The following CFAP299 variants were observed in gnomAD, a reference collection of about 807,000 sequenced individuals.
CFAP299 encodes the protein cilia and flagella associated protein 299.
CFAP299 carries 21 observed loss-of-function variants against 27.0 expected under a neutral mutation model. That is an observed-to-expected ratio of 0.78 (90% CI 0.55 to 1.12). The LOEUF (loss-of-function observed/expected upper bound fraction) is 1.12. CFAP299 is among the 50% of genes most tolerant of loss of function. The probability of loss-of-function intolerance (pLI) is 0.00; values close to 1 mark genes in which losing one functional copy is unlikely to be tolerated. For missense variants in CFAP299, 310 were observed against 276.6 expected, an observed-to-expected ratio of 1.12 and a Z score of -0.86; for synonymous variants, 104 against 98.1, an observed-to-expected ratio of 1.06 and a Z score of -0.36.
At chr4:80,612,821 C>G (rs549837856) in intron 3 of CFAP299, among the ~76,000 whole-genome samples, 1 of 152,118 alleles carries the variant, frequency 6.6e-6, no homozygotes, top group East Asian at 1.9e-4. Flanking sequence ...AGTTCAAACC[C>G]TAATATTGTG....
At chr4:80,770,640 C>T (rs1207494985) in intron 3 of CFAP299, among the ~76,000 whole-genome samples, 1 of 152,188 alleles carries the variant, frequency 6.6e-6, no homozygotes, top group Non-Finnish European at 1.5e-5. Context: ...AATGTGTATA[C>T]ATATTTCAAT....
At chr4:80,409,037 C>CAA (rs777242776) in intron 2 of CFAP299, among the ~76,000 whole-genome samples, 15 of 67,446 alleles carry the variant, frequency 2.2e-4, no homozygotes, top group East Asian at 1.3e-3. Flanking sequence ...GAGACTCTTT[C>CAA]AAAAAAAAAA....
chr4:80,906,795 G>A (rs954871335), intron 4 of CFAP299, among the ~76,000 whole-genome samples: 6 of 152,252 alleles, frequency 3.9e-5, no homozygotes, highest in African/African-American at 9.6e-5. Flanking sequence ...TAGAACAGGG[G>A]ACCCTGGGCC....
At chr4:80,460,769 G>C (rs1004283489) in intron 2 of CFAP299, among the ~76,000 whole-genome samples, 2 of 152,148 alleles carry the variant, frequency 1.3e-5, no homozygotes, top group South Asian at 4.2e-4. Context: ...AAATTCACAC[G>C]ATTATGTGGA....
upstream of CFAP299, among the ~76,000 whole-genome samples, chr4:80,331,827 A>T (rs372875551): frequency 6.6e-6 from 1 of 152,220 alleles, no homozygotes. Context: ...AACCATATGC[A>T]TGTAAGGCAG....
intron 1 of CFAP299, among the ~76,000 whole-genome samples, chr4:80,344,178 C>A (rs752494243): frequency 1.3e-4 from 20 of 151,522 alleles, no homozygotes; most frequent in Admixed American, 2.0e-4. Context: ...GAAACATGAA[C>A]AACTCTTCAA....
chr4:80,925,546 T>C (rs1288558594), intron 4 of CFAP299, among the ~76,000 whole-genome samples: 1 of 151,930 alleles, frequency 6.6e-6, no homozygotes, highest in Non-Finnish European at 1.5e-5. Context: ...TAATATTTCC[T>C]CTTAAAAGTG....
intron 3 of CFAP299, among the ~76,000 whole-genome samples, 186 bp from the exon 4 acceptor site, chr4:80,869,807 G>T (rs1484405803): frequency 6.6e-6 from 1 of 152,124 alleles, no homozygotes; most frequent in Non-Finnish European, 1.5e-5. Context: ...CCACGTGCTG[G>T]GCGAGTAACA....
chr4:80,882,239 T>C (rs1733740139), intron 4 of CFAP299, among the ~76,000 whole-genome samples: 1 of 152,112 alleles, frequency 6.6e-6, no homozygotes, highest in South Asian at 2.1e-4. Flanking sequence ...AATGGAAAGC[T>C]AGATTCATGA....
rs1433939898 is a variant in CFAP299, at chr4:80,859,333, C to T, written c.334-10660C>T. Among the ~76,000 whole-genome samples the T allele has an allele frequency of 2.6e-5, 4 of 152,156 alleles. No homozygotes were observed. In the East Asian group the frequency reaches 7.7e-4, roughly 29 times the overall value. ...GCATGTGAGATGGGTTTCCTGAAAACAACACACTGATGGGTCTTGACTCTT... is the reference window on the plus strand; with the variant it reads ...GCATGTGAGATGGGTTTCCTGAAAATAACACACTGATGGGTCTTGACTCTT... On this transcript the variant is annotated intron_variant, in intron 3 of 5. Transcript: ENST00000358105.
At chr4:80,730,248 C>CTCTGTG (rs1553953972) in intron 3 of CFAP299, among the ~76,000 whole-genome samples, 12 of 130,876 alleles carry the variant, frequency 9.2e-5, no homozygotes, top group South Asian at 5.0e-4. Flanking sequence ...CTCTCTCTCT[C>CTCTGTG]TGTGTGTGTG....
intron 5 of CFAP299, among the ~76,000 whole-genome samples, chr4:80,959,507 A>C (rs1738233233): frequency 6.6e-6 from 1 of 152,094 alleles, no homozygotes; most frequent in Non-Finnish European, 1.5e-5. Flanking sequence ...CAGAAAGGGC[A>C]ATGAAAAAAA....
chr4:80,352,257 G>A (rs1369877167), intron 1 of CFAP299, among the ~76,000 whole-genome samples: 6 of 152,288 alleles, frequency 3.9e-5, no homozygotes, highest in Middle Eastern at 3.4e-3. Flanking sequence ...ATAAATGTAA[G>A]TATGTAAAAG....
At chr4:80,547,735 C>CA (rs200739679) in intron 2 of CFAP299, among the ~76,000 whole-genome samples, 149 of 151,670 alleles carry the variant, frequency 9.8e-4, no homozygotes, top group African/African-American at 3.2e-3. Flanking sequence ...AGACATATCT[C>CA]AAAGAAAAAG....
chr4:80,333,986 C>T (rs1323609217), upstream of CFAP299, among the ~76,000 whole-genome samples: 1 of 152,168 alleles, frequency 6.6e-6, no homozygotes, highest in African/African-American at 2.4e-5. Flanking sequence ...GTTATACGCA[C>T]TATTAATTCT....
chr4:80,742,740 A>G (rs1364545912), intron 3 of CFAP299, among the ~76,000 whole-genome samples: 1 of 152,218 alleles, frequency 6.6e-6, no homozygotes, highest in Non-Finnish European at 1.5e-5. Flanking sequence ...ATGTCTTTAC[A>G]TGAGAGTGAG....
chr4:80,612,523 A>G (rs1024917973), intron 3 of CFAP299, among the ~76,000 whole-genome samples: 1 of 152,136 alleles, frequency 6.6e-6, no homozygotes, highest in Admixed American at 6.6e-5. Context: ...ATCCATATAT[A>G]GGGCTGAAAA....
At chr4:80,804,469 G>T (rs138748891) in intron 3 of CFAP299, among the ~76,000 whole-genome samples, 2 of 152,156 alleles carry the variant, frequency 1.3e-5, no homozygotes, top group East Asian at 3.9e-4. Flanking sequence ...TTCTTTTTAA[G>T]GTTGAATAAT....
chr4:80,709,994 C>A (rs1209126906), intron 3 of CFAP299, among the ~76,000 whole-genome samples: 5 of 152,078 alleles, frequency 3.3e-5, no homozygotes, highest in African/African-American at 1.2e-4. Flanking sequence ...CTAGGGCAAG[C>A]TGCTTAATAT....
Sources: gnomAD v4.1 joint callset for allele counts (sites outside exome capture counted in the v4.1 genomes callset) on GRCh38, gnomAD v4.1.1 for gene constraint, MANE v1.5 for transcripts, NCBI Gene and HGNC (gene_info 2026-07-23, HGNC 2026-07-21) for gene names.